The following CFAP299 variants were observed in gnomAD, a reference collection of about 807,000 sequenced individuals.
The protein encoded by CFAP299 is cilia and flagella associated protein 299.
In CFAP299, 21 loss-of-function variants were observed where a neutral mutation model predicts 27.0. The ratio of observed to expected loss-of-function variants is 0.78; its 90% CI spans 0.55 to 1.12. The LOEUF is 1.12. CFAP299 is among the 50% of genes most tolerant of loss of function. The pLI, the probability that CFAP299 is intolerant of heterozygous loss-of-function variation, is 0.00. For missense variants in CFAP299, 310 were observed against 276.6 expected, an observed-to-expected ratio of 1.12 and a Z score of -0.86; for synonymous variants, 104 against 98.1, an observed-to-expected ratio of 1.06 and a Z score of -0.36.
At chr4:80,922,186 AC>A (rs1197251415) in intron 4 of CFAP299, among the ~76,000 whole-genome samples, 1 of 152,076 alleles carries the variant, frequency 6.6e-6, no homozygotes, top group Non-Finnish European at 1.5e-5. Context: ...TGTTCTTTCT[AC>A]CATTAGCCTT....
chr4:80,915,241 G>A (rs184534828), intron 4 of CFAP299, among the ~76,000 whole-genome samples: 1 of 151,810 alleles, frequency 6.6e-6, no homozygotes, highest in Admixed American at 6.6e-5. Flanking sequence ...GGTTTTGAAA[G>A]ATACTTTCAG....
chr4:80,710,497 TTTTA>T, intron 3 of CFAP299, among the ~76,000 whole-genome samples: 1 of 109,696 alleles, frequency 9.1e-6, no homozygotes, highest in Non-Finnish European at 2.0e-5. Context: ...TTTTTTTTTT[TTTTA>T]AAAAAAAAAA....
intron 1 of CFAP299, chr4:80,336,490 A>G (rs900122567): frequency 1.3e-5 from 2 of 152,382 alleles, no homozygotes; most frequent in Non-Finnish European, 2.9e-5. Context: ...TAGTAAAAAT[A>G]TACACACAAA....
intron 3 of CFAP299, among the ~76,000 whole-genome samples, chr4:80,822,791 G>A (rs1244510197): frequency 1.3e-5 from 2 of 152,148 alleles, no homozygotes; most frequent in Non-Finnish European, 2.9e-5. Flanking sequence ...TGTGCAGCCT[G>A]ATTTATCAAT....
chr4:80,807,794 A>T (rs951249179), intron 3 of CFAP299, among the ~76,000 whole-genome samples: 1 of 152,120 alleles, frequency 6.6e-6, no homozygotes, highest in African/African-American at 2.4e-5. Context: ...CAAAATTTAC[A>T]TGCTAAAGTA....
chr4:80,783,712 A>C (rs1004984721), intron 3 of CFAP299, among the ~76,000 whole-genome samples: 2 of 152,172 alleles, frequency 1.3e-5, no homozygotes, highest in African/African-American at 4.8e-5. Flanking sequence ...TCTAAAATAG[A>C]ACCCATTTTT....
intron 2 of CFAP299, among the ~76,000 whole-genome samples, chr4:80,570,431 TATAA>T (rs1385117808): frequency 6.6e-6 from 1 of 151,884 alleles, no homozygotes; most frequent in Non-Finnish European, 1.5e-5. Context: ...AACAATACAA[TATAA>T]ATAACAATAA....
intron 2 of CFAP299, among the ~76,000 whole-genome samples, chr4:80,509,145 C>G (rs1732175020): frequency 6.6e-6 from 1 of 152,128 alleles, no homozygotes; most frequent in Non-Finnish European, 1.5e-5. Flanking sequence ...ACACAGATGC[C>G]TAACTATAGC....
intron 2 of CFAP299, among the ~76,000 whole-genome samples, chr4:80,503,500 T>C (rs1731840449): frequency 6.6e-6 from 1 of 152,156 alleles, no homozygotes; most frequent in South Asian, 2.1e-4. Flanking sequence ...GAGGCAGTGT[T>C]GTATTGATGC....
At chr4:80,899,332 G>C (rs1244221670) in intron 4 of CFAP299, among the ~76,000 whole-genome samples, 1 of 152,168 alleles carries the variant, frequency 6.6e-6, no homozygotes, top group East Asian at 1.9e-4. Context: ...TCAACATAAA[G>C]TTAGTGCTTA....
intron 3 of CFAP299, among the ~76,000 whole-genome samples, chr4:80,785,842 A>G (rs997081628): frequency 1.3e-5 from 2 of 152,170 alleles, no homozygotes; most frequent in Admixed American, 1.3e-4. Context: ...GAAAGAGTCT[A>G]TAAGTGGTTT....
intron 1 of CFAP299, among the ~76,000 whole-genome samples, chr4:80,352,257 G>T (rs1369877167): frequency 6.6e-6 from 1 of 152,170 alleles, no homozygotes; most frequent in East Asian, 1.9e-4. Flanking sequence ...ATAAATGTAA[G>T]TATGTAAAAG....
At chr4:80,601,604 C>T (rs1409222627) in intron 3 of CFAP299, among the ~76,000 whole-genome samples, 1 of 152,044 alleles carries the variant, frequency 6.6e-6, no homozygotes, top group Non-Finnish European at 1.5e-5. Flanking sequence ...GTATTTTTTC[C>T]CCTTTTCTAG....
intron 2 of CFAP299, among the ~76,000 whole-genome samples, chr4:80,533,668 C>T (rs764159571): frequency 1.3e-5 from 2 of 152,006 alleles, no homozygotes; most frequent in Non-Finnish European, 1.5e-5. Context: ...ATTGCAAAGC[C>T]CTATGACAAT....
At chr4:80,708,489 A>T (rs1721947755) in intron 3 of CFAP299, among the ~76,000 whole-genome samples, 1 of 152,100 alleles carries the variant, frequency 6.6e-6, no homozygotes, top group Non-Finnish European at 1.5e-5. Context: ...CAGTTGAATT[A>T]TACTCTTCGT....
At chr4:80,483,799 A>G (rs1369371479) in intron 2 of CFAP299, among the ~76,000 whole-genome samples, 4 of 152,164 alleles carry the variant, frequency 2.6e-5, no homozygotes, top group African/African-American at 9.6e-5. Flanking sequence ...TTAATTATTT[A>G]AGGAAACTTT....
At chr4:80,870,973 CTTG>C in intron 4 of CFAP299, 1 of 748,256 alleles carries the variant, frequency 1.3e-6, no homozygotes, top group Non-Finnish European at 1.6e-6. Context: ...ATGGTGCAAT[CTTG>C]GATCACTGCT....
chr4:80,756,726 C>A (rs950971066), intron 3 of CFAP299, among the ~76,000 whole-genome samples: 1 of 152,044 alleles, frequency 6.6e-6, no homozygotes, highest in African/African-American at 2.4e-5. Flanking sequence ...AGTTGGTTGT[C>A]ACAGAGCTAT....
intron 3 of CFAP299, among the ~76,000 whole-genome samples, chr4:80,741,203 G>A (rs1724246522): frequency 1.3e-5 from 2 of 151,818 alleles, no homozygotes. Flanking sequence ...GCATTCCCTG[G>A]GTAATCACTG....
Sources: allele counts gnomAD v4.1 joint callset (sites outside exome capture counted in the v4.1 genomes callset), GRCh38; gene constraint gnomAD v4.1.1; transcripts MANE v1.5; gene names NCBI Gene and HGNC (gene_info 2026-07-23, HGNC 2026-07-21).